TRIP12: variants seen among roughly 807,000 people sequenced by gnomAD.
The protein encoded by TRIP12 is thyroid hormone receptor interactor 12.
In TRIP12, 25 loss-of-function variants were observed where a neutral mutation model predicts 244.2. That is an observed-to-expected ratio of 0.10 (90% CI 0.07 to 0.14). TRIP12 has a LOEUF of 0.14. Ranked by LOEUF, TRIP12 falls within the 10% of genes least tolerant of loss-of-function variation. The probability of loss-of-function intolerance (pLI) is 1.00; values close to 1 mark genes in which losing one functional copy is unlikely to be tolerated. For missense variants in TRIP12, 1,677 were observed against 2,486.4 expected, an observed-to-expected ratio of 0.67 and a Z score of 6.92; for synonymous variants, 905 against 873.1, an observed-to-expected ratio of 1.04 and a Z score of -0.64.
chr2:229,858,411 A>C (rs2059974895), intron 4 of TRIP12, among the ~76,000 whole-genome samples: 1 of 152,200 alleles, frequency 6.6e-6, no homozygotes, highest in Non-Finnish European at 1.5e-5. Context: ...TCATAACTAA[A>C]AAGAACTCCT....
At chr2:229,789,100 AAAC>A (rs1168854742) in intron 31 of TRIP12, among the ~76,000 whole-genome samples, 160 bp from the exon 32 acceptor site, 3 of 152,158 alleles carry the variant, frequency 2.0e-5, no homozygotes, top group Admixed American at 6.5e-5. Flanking sequence ...GTCCCAACTA[AAAC>A]AACAATTCCC....
chr2:229,767,336 A>G lies in TRIP12; in HGVS notation c.*218T>C, dbSNP rs1463802017. 9.6e-6 allele frequency: 4 copies of G among 416,764 alleles called. No homozygotes were observed. The highest frequency in any genetic ancestry group is 1.7e-5 in the Non-Finnish European group (4 of 242,224). 25.8% of individuals were successfully genotyped at this position (416,764 alleles called of 1,614,324 possible). ...ATGATAATTTAAACAAGAACTTGCT[A>G]AAGAAACCTCATCACAACAACGTTT... On this transcript the variant is annotated 3_prime_UTR_variant, in exon 42 of 42. Transcript: ENST00000675903.
At chr2:229,841,072 C>G in intron 4 of TRIP12, 145 bp from the exon 5 acceptor site, 2 of 619,412 alleles carry the variant, frequency 3.2e-6, no homozygotes, top group Non-Finnish European at 5.5e-6. Context: ...TTTATTTCCA[C>G]AGCCTATTCA....
At chr2:229,838,983 G>A (rs1013901697) in intron 5 of TRIP12, among the ~76,000 whole-genome samples, 1 of 152,188 alleles carries the variant, frequency 6.6e-6, no homozygotes, top group Non-Finnish European at 1.5e-5. Context: ...ACCTGAGTGG[G>A]AAAACGTAAG....
chr2:229,817,521 A>G (rs1057185834), intron 9 of TRIP12, among the ~76,000 whole-genome samples: 7 of 152,204 alleles, frequency 4.6e-5, no homozygotes, highest in Admixed American at 2.0e-4. Flanking sequence ...TAAATCTATC[A>G]TATCAAAATA....
At chr2:229,788,972 ATGTAGT>A in intron 31 of TRIP12, 32 bp from the exon 32 acceptor site, 1 of 1,552,770 alleles carries the variant, frequency 6.4e-7, no homozygotes, top group Non-Finnish European at 8.8e-7. Context: ...AAAAGTCTAC[ATGTAGT>A]AAAATATTAG....
intron 1 of TRIP12, among the ~76,000 whole-genome samples, chr2:229,919,414 TAA>T (rs66542643): frequency 2.7e-5 from 4 of 146,536 alleles, no homozygotes; most frequent in African/African-American, 7.6e-5. Context: ...GATTCTGCTT[TAA>T]AAAAAAAAAA....
At chr2:229,834,965 C>T (rs766164937) in intron 6 of TRIP12, among the ~76,000 whole-genome samples, 6 of 152,208 alleles carry the variant, frequency 3.9e-5, no homozygotes, top group African/African-American at 1.4e-4. Flanking sequence ...TATCCGAAAA[C>T]GTTTACTTGT....
At chr2:229,771,434 A>G in intron 39 of TRIP12, 85 bp downstream of exon 39, 1 of 1,200,818 alleles carries the variant, frequency 8.3e-7, no homozygotes, top group Non-Finnish European at 1.2e-6. Flanking sequence ...TTTTTGTGCA[A>G]CAATACGGTC....
intron 2 of TRIP12, among the ~76,000 whole-genome samples, chr2:229,867,780 T>C (rs1406902882): frequency 6.6e-6 from 1 of 152,200 alleles, no homozygotes; most frequent in Non-Finnish European, 1.5e-5. Flanking sequence ...GACAATTTCT[T>C]ATAGGTTTTC....
intron 9 of TRIP12, among the ~76,000 whole-genome samples, chr2:229,816,211 C>T (rs1324961785): frequency 6.6e-6 from 1 of 152,018 alleles, no homozygotes; most frequent in Non-Finnish European, 1.5e-5. Context: ...GTCTTCTCAG[C>T]TGTGAATTGT....
intron 1 of TRIP12, among the ~76,000 whole-genome samples, chr2:229,897,694 G>C (rs2069278684): frequency 6.6e-6 from 1 of 152,150 alleles, no homozygotes; most frequent in Non-Finnish European, 1.5e-5. Flanking sequence ...AAATCTTCTT[G>C]CCTTAAAGTT....
At chr2:229,913,221 C>T (rs1357788233) in intron 1 of TRIP12, among the ~76,000 whole-genome samples, 2 of 152,138 alleles carry the variant, frequency 1.3e-5, no homozygotes, top group African/African-American at 4.8e-5. Flanking sequence ...ATTCATGTTT[C>T]TTAATTTACA....
At chr2:229,803,550 T>A (rs2045046829) in intron 20 of TRIP12, 21 bp downstream of exon 20, 4 of 1,461,576 alleles carry the variant, frequency 2.7e-6, no homozygotes, top group Non-Finnish European at 3.8e-6. Flanking sequence ...ACTAAATGAC[T>A]ATTAATTTAT....
chr2:229,903,941 C>A (rs2071868501), intron 1 of TRIP12, among the ~76,000 whole-genome samples: 1 of 151,586 alleles, frequency 6.6e-6, no homozygotes, highest in Non-Finnish European at 1.5e-5. Flanking sequence ...AGGGCTGAGG[C>A]AGGAGGATAG....
chr2:229,802,939 G>A (rs986585605), intron 20 of TRIP12, among the ~76,000 whole-genome samples: 1 of 152,026 alleles, frequency 6.6e-6, no homozygotes, highest in Non-Finnish European at 1.5e-5. Context: ...ATCCTTTAAG[G>A]TGTGTAAAGA....
intron 34 of TRIP12, among the ~76,000 whole-genome samples, chr2:229,784,372 A>G (rs942889951): frequency 6.7e-6 from 1 of 149,266 alleles, no homozygotes; most frequent in Non-Finnish European, 1.5e-5. Flanking sequence ...AACTGTAATT[A>G]ATATATATAT....
intron 6 of TRIP12, among the ~76,000 whole-genome samples, chr2:229,835,681 G>A (rs2054621720): frequency 6.6e-6 from 1 of 152,180 alleles, no homozygotes; most frequent in African/African-American, 2.4e-5. Flanking sequence ...AGTGTACACT[G>A]TATATTAGTT....
intron 1 of TRIP12, among the ~76,000 whole-genome samples, chr2:229,917,380 C>CA (rs60397605): frequency 0.013 from 380 of 29,260 alleles, 121 homozygotes; most frequent in Non-Finnish European, 0.015. Flanking sequence ...GACTCTGTCT[C>CA]AAAAAAAAAA....
Sources: allele counts gnomAD v4.1 joint callset (sites outside exome capture counted in the v4.1 genomes callset), GRCh38; gene constraint gnomAD v4.1.1; transcripts MANE v1.5; gene names NCBI Gene and HGNC (gene_info 2026-07-23, HGNC 2026-07-21).